COL4A2: variants seen among roughly 807,000 people sequenced by gnomAD.
The protein encoded by COL4A2 is collagen type IV alpha 2 chain.
COL4A2 carries 99 observed loss-of-function variants against 200.2 expected under a neutral mutation model. The ratio of observed to expected loss-of-function variants is 0.49; its 90% CI spans 0.42 to 0.58. The LOEUF (loss-of-function observed/expected upper bound fraction) is 0.58. Among genes scored for constraint, COL4A2 ranks in the 20% least tolerant of loss-of-function variants. The pLI is 0.00. For missense variants in COL4A2, 1,950 were observed against 2,314.1 expected (o/e 0.84, Z 3.23); for synonymous variants, 897 against 900.6 (o/e 1.00, Z 0.07).
chr13:110,323,504 G>A (rs1885329203), intron 3 of COL4A2, among the ~76,000 whole-genome samples: 1 of 152,232 alleles, frequency 6.6e-6, no homozygotes, highest in Admixed American at 6.5e-5. Context: ...GAGCTGAAGA[G>A]AATGAGTGTC....
chr13:110,503,784 A>C lies in COL4A2; in HGVS notation c.4139-63A>C. 3 of 1,591,376 alleles carry C rather than the reference A, an allele frequency of 1.9e-6. No individual in the cohort carries two copies. In the South Asian group the frequency reaches 3.3e-5, roughly 18 times the overall value. ...CCTCCCTGGTGAGAAACGCAGTAGC[A>C]CTCGGAGCAAGAGAGTGGAACGACC... On this transcript the variant is annotated intron_variant, in intron 43 of 47. Coordinates refer to ENST00000360467, the MANE Select transcript of COL4A2 (RefSeq NM_001846.4).
intron 3 of COL4A2, among the ~76,000 whole-genome samples, chr13:110,311,836 G>A (rs1304716368): frequency 1.3e-5 from 2 of 152,204 alleles, no homozygotes; most frequent in East Asian, 3.9e-4. Flanking sequence ...GTTCACGTAG[G>A]CATCAGTGCG....
intron 3 of COL4A2, among the ~76,000 whole-genome samples, chr13:110,347,581 G>C (rs917418721): frequency 1.3e-5 from 2 of 152,246 alleles, no homozygotes; most frequent in Non-Finnish European, 2.9e-5. Context: ...CATTCAGCCT[G>C]CTTTAAATGT....
At chr13:110,495,166 C>T (rs1314681377) in intron 39 of COL4A2, among the ~76,000 whole-genome samples, 176 bp from the exon 40 acceptor site, 1 of 152,206 alleles carries the variant, frequency 6.6e-6, no homozygotes, top group African/African-American at 2.4e-5. Context: ...CTGTAAGATC[C>T]CTTCCAAATC....
chr13:110,387,844 T>G (rs1042570977), intron 4 of COL4A2, among the ~76,000 whole-genome samples: 1 of 152,300 alleles, frequency 6.6e-6, no homozygotes, highest in African/African-American at 2.4e-5. Flanking sequence ...CCTCCACCTC[T>G]GCGGAGCTCT....
rs569894970 is a variant in COL4A2, at chr13:110,505,164, C to A, written c.4402+900C>A. On this transcript the variant is annotated intron_variant, in intron 45 of 47. Coordinates refer to ENST00000360467, the MANE Select transcript of COL4A2 (RefSeq NM_001846.4). ...AGGAGATCGAGACCATCCTGGCTAA[C>A]ACGGTGAAACCCCGTCTCTACTAAA... Among the ~76,000 whole-genome samples, 16 of 151,574 alleles carry A rather than the reference C, an allele frequency of 1.1e-4. No individual in the cohort carries two copies. The South Asian group carries it at 1.7e-3, about 16-fold the overall frequency.
intron 3 of COL4A2, among the ~76,000 whole-genome samples, chr13:110,354,625 A>ATT (rs1877109700): frequency 7.3e-6 from 1 of 136,126 alleles, no homozygotes; most frequent in African/African-American, 3.7e-5. Context: ...CACTTTTTGG[A>ATT]GTTTTTTTTT....
rs575142594 is a variant in COL4A2, at chr13:110,463,872, A to G, written c.1776+1488A>G. Among the ~76,000 whole-genome samples the G allele has an allele frequency of 7.9e-5, 12 of 152,342 alleles. No homozygotes were observed. In the South Asian group the frequency reaches 2.5e-3, roughly 32 times the overall value. ...AATTTAAGTGCAGTTTTTTGGGGCC[A>G]GAGAACACAGATAATTCTATGATTG... On this transcript the variant is annotated intron_variant, in intron 24 of 47. Transcript: ENST00000360467.
intron 3 of COL4A2, among the ~76,000 whole-genome samples, chr13:110,343,706 G>A (rs1460240076): frequency 2.6e-5 from 4 of 152,308 alleles, no homozygotes; most frequent in South Asian, 2.1e-4. Context: ...CAATGCAAAC[G>A]GGGACCTTCC....
chr13:110,506,047 G>A (rs192089754), intron 45 of COL4A2, among the ~76,000 whole-genome samples: 2 of 152,328 alleles, frequency 1.3e-5, no homozygotes, highest in Non-Finnish European at 2.9e-5. Context: ...ATCTGGGGAA[G>A]GAGAGCGATG....
At chr13:110,352,608 T>C (rs556885906) in intron 3 of COL4A2, among the ~76,000 whole-genome samples, 1 of 152,224 alleles carries the variant, frequency 6.6e-6, no homozygotes, top group East Asian at 1.9e-4. Flanking sequence ...CCTTGCCCTT[T>C]GTCATGTTAG....
At chr13:110,309,959 C>T (rs1290620239) in intron 3 of COL4A2, among the ~76,000 whole-genome samples, 1 of 152,224 alleles carries the variant, frequency 6.6e-6, no homozygotes, top group African/African-American at 2.4e-5. Flanking sequence ...CCACTGCTCT[C>T]CAGTCTGGGC....
intron 40 of COL4A2, among the ~76,000 whole-genome samples, chr13:110,496,297 G>A (rs747335769): frequency 5.6e-4 from 86 of 152,240 alleles, no homozygotes; most frequent in Non-Finnish European, 1.1e-3. Context: ...TTTTGCTGGG[G>A]TGCAGGGATG....
At chr13:110,509,272 C>CATATATATATAT (rs1566575680) in intron 47 of COL4A2, among the ~76,000 whole-genome samples, 1 of 83,476 alleles carries the variant, frequency 1.2e-5, no homozygotes, top group Non-Finnish European at 2.2e-5. Context: ...TATATATATA[C>CATATATATATAT]ACACACACAC....
intron 37 of COL4A2, 54 bp from the exon 38 acceptor site, chr13:110,492,016 C>A: frequency 6.7e-7 from 1 of 1,489,124 alleles, no homozygotes; most frequent in African/African-American, 1.4e-5. Flanking sequence ...GACCTCACCA[C>A]ACAGCGCCCA....
rs1883975165 is a variant in COL4A2, at chr13:110,508,785, A to G, written c.4881+564A>G. Among the ~76,000 whole-genome samples the G allele has an allele frequency of 6.6e-6, 1 of 152,170 alleles. No individual in the cohort carries two copies. Among genetic ancestry groups the G allele is most frequent in the Admixed American group, 6.5e-5 (1 of 15,282 alleles). ...GGGAAGGCACCGCCCACCCTTCCGG[A>G]TCGCCTTTGGGTATAAAATAGAGAA... On this transcript the variant is annotated intron_variant, in intron 47 of 47. Coordinates refer to ENST00000360467, the MANE Select transcript of COL4A2 (RefSeq NM_001846.4). This position sits in a 1 kb window ranked among gnomAD's most constrained non-coding sequence, Gnocchi z 6.1.
In COL4A2 at chr13:110,491,219, G is replaced by A. The variant is rs1053231402; in HGVS notation, c.3347-14G>A. 9.6e-6 allele frequency: 15 copies of A among 1,570,274 alleles called. No individual in the cohort carries two copies. In the African/African-American group the frequency reaches 1.2e-4, roughly 13 times the overall value. On this transcript the variant is annotated splice_polypyrimidine_tract_variant and intron_variant, in intron 36 of 47. Coordinates refer to ENST00000360467, the MANE Select transcript of COL4A2 (RefSeq NM_001846.4). ...GGTGTCTGTTTGTTCCAAGCAGCAT[G>A]TCTGTGGTTGCAGGTCTGAAGGGAT...
At chr13:110,480,425 G>C in intron 31 of COL4A2, 35 bp downstream of exon 31, 1 of 1,580,166 alleles carries the variant, frequency 6.3e-7, no homozygotes, top group South Asian at 1.2e-5. Flanking sequence ...ATCCCTTGGC[G>C]GGGAGGTTGG....
intron 29 of COL4A2, among the ~76,000 whole-genome samples, chr13:110,477,109 G>A (rs1882733219): frequency 6.6e-6 from 1 of 152,188 alleles, no homozygotes; most frequent in Non-Finnish European, 1.5e-5. Context: ...AGCACTTTGG[G>A]AGGCCAAGGC....
Sources: gnomAD v4.1 joint callset for allele counts (sites outside exome capture counted in the v4.1 genomes callset) on GRCh38, gnomAD v4.1.1 for gene constraint, Gnocchi (gnomAD v3.1) non-coding constraint, MANE v1.5 for transcripts, NCBI Gene and HGNC (gene_info 2026-07-23, HGNC 2026-07-21) for gene names.